Variants in ACBD6 observed in about 807,000 individuals in gnomAD.
ACBD6 encodes acyl-CoA-binding domain-containing protein 6.
In ACBD6, 28 loss-of-function variants were observed where a neutral mutation model predicts 37.2. The ratio of observed to expected loss-of-function variants is 0.75; its 90% CI spans 0.56 to 1.03. The LOEUF (loss-of-function observed/expected upper bound fraction) is 1.03. Ranked by LOEUF, ACBD6 falls within the 50% of genes least tolerant of loss-of-function variation. The pLI is 0.00. For synonymous variants in ACBD6, 113 were observed against 126.8 expected, an observed-to-expected ratio of 0.89 and a Z score of 0.73; for missense variants, 340 against 337.4, an observed-to-expected ratio of 1.01 and a Z score of -0.06.
At chr1:180,294,658 G>A (rs1210077502) in intron 7 of ACBD6, among the ~76,000 whole-genome samples, 1 of 151,294 alleles carries the variant, frequency 6.6e-6, no homozygotes, top group Non-Finnish European at 1.5e-5. Flanking sequence ...TTTAGGATAT[G>A]TACTGATATC....
At chr1:180,488,259 C>A (rs924705759) in intron 3 of ACBD6, among the ~76,000 whole-genome samples, 4 of 152,006 alleles carry the variant, frequency 2.6e-5, no homozygotes, top group Admixed American at 6.6e-5. Flanking sequence ...ACTTATCCTC[C>A]CCCCAAAACA....
At chr1:180,461,250 T>C (rs559557020) in intron 3 of ACBD6, among the ~76,000 whole-genome samples, 16 of 152,252 alleles carry the variant, frequency 1.1e-4, no homozygotes, top group Middle Eastern at 3.4e-3. Context: ...TATGGGATTA[T>C]ATAAAAAGAC....
At chr1:180,446,170 T>C (rs1649467000) in intron 3 of ACBD6, among the ~76,000 whole-genome samples, 1 of 129,760 alleles carries the variant, frequency 7.7e-6, no homozygotes, top group South Asian at 2.3e-4. Context: ...GCCGGGATAA[T>C]TTTTTTTTTT....
At chr1:180,384,328 TA>T (rs895877710) in intron 6 of ACBD6, among the ~76,000 whole-genome samples, 5 of 151,992 alleles carry the variant, frequency 3.3e-5, no homozygotes, top group African/African-American at 4.8e-5. Context: ...ATAATCCTAT[TA>T]AAAAATGAGT....
intron 3 of ACBD6, among the ~76,000 whole-genome samples, chr1:180,469,846 TATC>T (rs1650487982): frequency 6.6e-6 from 1 of 152,204 alleles, no homozygotes. Context: ...CTCAGTTAAG[TATC>T]ATATTTGATA....
At chr1:180,321,997 G>C (rs1172149761) in intron 6 of ACBD6, among the ~76,000 whole-genome samples, 1 of 152,052 alleles carries the variant, frequency 6.6e-6, no homozygotes, top group Non-Finnish European at 1.5e-5. Flanking sequence ...CTTTGGGTCT[G>C]TCATATAAGA....
At chr1:180,484,257 A>G (rs1391369917) in intron 3 of ACBD6, among the ~76,000 whole-genome samples, 1 of 150,318 alleles carries the variant, frequency 6.7e-6, no homozygotes, top group African/African-American at 2.4e-5. Flanking sequence ...CAATTTCACC[A>G]AAGTTTTTAC....
At chr1:180,466,108 A>G (rs889104027) in intron 3 of ACBD6, among the ~76,000 whole-genome samples, 11 of 152,164 alleles carry the variant, frequency 7.2e-5, no homozygotes, top group Admixed American at 2.0e-4. Flanking sequence ...GTGTTTATCA[A>G]TGTAACAAAC....
intron 6 of ACBD6, among the ~76,000 whole-genome samples, chr1:180,394,613 C>T (rs1041036459): frequency 5.9e-5 from 9 of 151,808 alleles, no homozygotes; most frequent in Non-Finnish European, 1.2e-4. Flanking sequence ...GAACAGAAAA[C>T]CAGAGCAATG....
At chr1:180,495,802 A>G (rs1027928854) in intron 1 of ACBD6, among the ~76,000 whole-genome samples, 1 of 152,218 alleles carries the variant, frequency 6.6e-6, no homozygotes, top group African/African-American at 2.4e-5. Context: ...CTTCGAAGTT[A>G]GTAGACTATA....
intron 7 of ACBD6, among the ~76,000 whole-genome samples, chr1:180,297,076 G>T (rs192677301): frequency 2.0e-5 from 3 of 152,242 alleles, no homozygotes; most frequent in Non-Finnish European, 2.9e-5. Flanking sequence ...CTCCCCAGGG[G>T]TTTGTTTTAA....
At chr1:180,315,132 T>C (rs1650747385) in intron 6 of ACBD6, among the ~76,000 whole-genome samples, 2 of 152,178 alleles carry the variant, frequency 1.3e-5, no homozygotes, top group Non-Finnish European at 1.5e-5. Flanking sequence ...CTGTGATTTA[T>C]AGTGGATAGC....
At chr1:180,358,346 G>C (rs987754207) in intron 6 of ACBD6, among the ~76,000 whole-genome samples, 3 of 152,142 alleles carry the variant, frequency 2.0e-5, no homozygotes, top group Admixed American at 2.0e-4. Flanking sequence ...AGAATTGCTT[G>C]AACCCAGGAG....
chr1:180,304,457 A>C (rs576294978), intron 7 of ACBD6, among the ~76,000 whole-genome samples: 4 of 150,510 alleles, frequency 2.7e-5, no homozygotes, highest in African/African-American at 9.7e-5. Flanking sequence ...TTCTTATACA[A>C]CAATAACAGA....
intron 3 of ACBD6, among the ~76,000 whole-genome samples, chr1:180,459,967 C>CTTTTTTT (rs67323272): frequency 9.3e-5 from 10 of 107,976 alleles, no homozygotes; most frequent in African/African-American, 2.9e-4. Flanking sequence ...CAGACTGCTT[C>CTTTTTTT]TTTTTTTTTT....
At chr1:180,311,988 G>GTT (rs1433785969) in intron 7 of ACBD6, among the ~76,000 whole-genome samples, 1 of 152,192 alleles carries the variant, frequency 6.6e-6, no homozygotes, top group African/African-American at 2.4e-5. Context: ...TATTATAGCT[G>GTT]TAAGATAACA....
At chr1:180,278,239 T>A (rs1029376629) in intron 9 of ACBD6, 2 of 152,212 alleles carry the variant, frequency 1.3e-5, no homozygotes, top group African/African-American at 4.8e-5. Flanking sequence ...AACCGTGAGA[T>A]GAAGAAAAAT....
chr1:180,271,207 G>A (rs1357239170), exon 14 of ACBD6: 1 of 721,010 alleles, frequency 1.4e-6, no homozygotes, highest in Non-Finnish European at 2.5e-6. Flanking sequence ...CCGTGGTGCA[G>A]GAGTCAGTGC....
intron 6 of ACBD6, among the ~76,000 whole-genome samples, chr1:180,347,623 C>A (rs567754679): frequency 4.6e-5 from 7 of 152,174 alleles, no homozygotes; most frequent in African/African-American, 1.4e-4. Flanking sequence ...TCCTTCAATT[C>A]CCTATCCTTG....
Sources: gnomAD v4.1 joint callset for allele counts (sites outside exome capture counted in the v4.1 genomes callset) on GRCh38, gnomAD v4.1.1 for gene constraint, MANE v1.5 for transcripts, NCBI Gene and HGNC (gene_info 2026-07-23, HGNC 2026-07-21) for gene names.